The following KIF1B variants were observed in gnomAD, a reference collection of about 807,000 sequenced individuals.
The protein encoded by KIF1B is kinesin-like protein KIF1B.
Under a neutral mutation model 241.9 loss-of-function variants are expected in KIF1B, and 76 were observed. The observed-to-expected ratio is 0.31, with a 90% CI of 0.26 to 0.38. KIF1B has a LOEUF of 0.38. Among genes scored for constraint, KIF1B ranks in the 10% least tolerant of loss-of-function variants. The probability of loss-of-function intolerance (pLI) is 1.00; values close to 1 mark genes in which losing one functional copy is unlikely to be tolerated. For synonymous variants in KIF1B, 750 were observed against 796.7 expected, an observed-to-expected ratio of 0.94 and a Z score of 0.99; for missense variants, 1,622 against 2,271.4, an observed-to-expected ratio of 0.71 and a Z score of 5.81.
chr1:10,356,131 G>GC (rs1329079048), intron 38 of KIF1B, among the ~76,000 whole-genome samples: 2 of 151,392 alleles, frequency 1.3e-5, no homozygotes, highest in Non-Finnish European at 3.0e-5. Flanking sequence ...ACTTTGGGAG[G>GC]CCAAGGCGGG....
At chr1:10,290,699 G>A (rs1052544586) in intron 15 of KIF1B, among the ~76,000 whole-genome samples, 14 of 151,544 alleles carry the variant, frequency 9.2e-5, no homozygotes, top group African/African-American at 2.9e-4. Context: ...GTGAAACCCC[G>A]TCTCTACTAA....
chr1:10,285,405 G>C (rs1649637201), intron 15 of KIF1B, among the ~76,000 whole-genome samples: 1 of 152,122 alleles, frequency 6.6e-6, no homozygotes, highest in South Asian at 2.1e-4. Context: ...TCAAGATTCA[G>C]GTAACCCAGT....
At chr1:10,282,018 A>G (rs1649427877) in intron 14 of KIF1B, among the ~76,000 whole-genome samples, 2 of 152,252 alleles carry the variant, frequency 1.3e-5, no homozygotes, top group Non-Finnish European at 2.9e-5. Flanking sequence ...AGAGTGCCTA[A>G]GCAGTATCCT....
At chr1:10,271,705 A>G in intron 8 of KIF1B, 126 bp downstream of exon 8, 2 of 741,364 alleles carry the variant, frequency 2.7e-6, no homozygotes, top group East Asian at 2.6e-5. Context: ...CTTTTGCACT[A>G]CAATGGCAGT....
chr1:10,249,760 G>A (rs983048348), intron 2 of KIF1B, among the ~76,000 whole-genome samples: 9 of 152,070 alleles, frequency 5.9e-5, no homozygotes, highest in African/African-American at 9.7e-5. Flanking sequence ...CAAATTAGCC[G>A]TGCATGGTGG....
chr1:10,321,303 C>T (rs1651513889), intron 23 of KIF1B, among the ~76,000 whole-genome samples: 1 of 152,020 alleles, frequency 6.6e-6, no homozygotes, highest in Non-Finnish European at 1.5e-5. Context: ...GTGGTTTCTC[C>T]ATGTTGGCCA....
intron 5 of KIF1B, among the ~76,000 whole-genome samples, chr1:10,264,840 T>A (rs977164771): frequency 6.6e-6 from 1 of 152,060 alleles, no homozygotes; most frequent in Non-Finnish European, 1.5e-5. Flanking sequence ...TTTCTGTATT[T>A]TTAGTAGACA....
At chr1:10,257,706 C>T (rs931558870) in intron 3 of KIF1B, among the ~76,000 whole-genome samples, 2 of 151,830 alleles carry the variant, frequency 1.3e-5, no homozygotes, top group East Asian at 3.9e-4. Context: ...GACTGAGTCT[C>T]GCTCTGTTGC....
intron 24 of KIF1B, among the ~76,000 whole-genome samples, chr1:10,323,152 G>A (rs116668563): frequency 0.019 from 2,898 of 152,086 alleles, 41 homozygotes; most frequent in Non-Finnish European, 0.028. Flanking sequence ...GTGAACTTCC[G>A]TGCCCAGCCA....
intron 41 of KIF1B, among the ~76,000 whole-genome samples, chr1:10,364,496 G>A (rs1448122869): frequency 7.1e-6 from 1 of 139,984 alleles, no homozygotes; most frequent in Admixed American, 7.4e-5. Context: ...GAGCCATCAC[G>A]CCCGGCCCCA....
At chr1:10,214,510 G>A (rs1488848226) in intron 1 of KIF1B, among the ~76,000 whole-genome samples, 3 of 150,262 alleles carry the variant, frequency 2.0e-5, no homozygotes, top group African/African-American at 7.4e-5. Flanking sequence ...GGCAGGTCTC[G>A]AACTCCTGAC....
chr1:10,305,934 T>C, intron 22 of KIF1B: 1 of 1,054,416 alleles, frequency 9.5e-7, no homozygotes, highest in Non-Finnish European at 1.1e-6. Context: ...CTAAGTCACA[T>C]GAAATCATCT....
intron 1 of KIF1B, among the ~76,000 whole-genome samples, chr1:10,219,940 T>C (rs1285087888): frequency 6.7e-6 from 1 of 149,538 alleles, no homozygotes; most frequent in Non-Finnish European, 1.5e-5. Context: ...CGGTGGTTCA[T>C]GCTTGTAATC....
intron 28 of KIF1B, among the ~76,000 whole-genome samples, chr1:10,335,875 T>C (rs192666642): frequency 3.3e-5 from 5 of 152,294 alleles, no homozygotes; most frequent in Non-Finnish European, 7.4e-5. Context: ...TTTCCATTTT[T>C]CCATGATCCA....
intron 4 of KIF1B, among the ~76,000 whole-genome samples, chr1:10,260,939 T>C (rs996287997): frequency 6.6e-6 from 1 of 152,014 alleles, no homozygotes; most frequent in Middle Eastern, 3.4e-3. Context: ...TTCATATCTT[T>C]ATTCTATAAG....
chr1:10,344,675 T>C (rs1050948988), intron 34 of KIF1B: 2 of 152,258 alleles, frequency 1.3e-5, no homozygotes, highest in African/African-American at 4.8e-5. Flanking sequence ...CACCAACTCA[T>C]GTGAAACTCA....
chr1:10,307,037 A>T, intron 22 of KIF1B: 1 of 1,039,472 alleles, frequency 9.6e-7, no homozygotes, highest in African/African-American at 1.7e-5. Flanking sequence ...AATTGGGTTT[A>T]TATTTGTGCT....
chr1:10,295,241 T>A (rs1650203853), intron 18 of KIF1B, 76 bp downstream of exon 18: 1 of 900,602 alleles, frequency 1.1e-6, no homozygotes, highest in Admixed American at 1.7e-5. Context: ...AGGGAAGGGG[T>A]TGAAAAAATT....
At chr1:10,290,516 C>T (rs1256038645) in intron 15 of KIF1B, among the ~76,000 whole-genome samples, 2 of 151,736 alleles carry the variant, frequency 1.3e-5, no homozygotes, top group African/African-American at 4.8e-5. Context: ...GAGTTTTGCT[C>T]TGTTGCTCAG....
Sources: gnomAD v4.1 joint callset for allele counts (sites outside exome capture counted in the v4.1 genomes callset) on GRCh38, gnomAD v4.1.1 for gene constraint, MANE v1.5 for transcripts, NCBI Gene and HGNC (gene_info 2026-07-23, HGNC 2026-07-21) for gene names.